The following PCNX4 variants were observed in gnomAD, a reference collection of about 807,000 sequenced individuals.
PCNX4 encodes the protein pecanex-like protein 4.
A neutral mutation model predicts 107.2 loss-of-function variants in PCNX4; 103 were observed. The ratio of observed to expected loss-of-function variants is 0.96; its 90% confidence interval spans 0.82 to 1.13. The LOEUF is 1.13. PCNX4 is among the 50% of genes most tolerant of loss of function. PCNX4 has a pLI of 0.00. For missense variants in PCNX4, 1,528 were observed against 1,379.4 expected, an observed-to-expected ratio of 1.11 and a Z score of -1.71; for synonymous variants, 541 against 481.7, an observed-to-expected ratio of 1.12 and a Z score of -1.61.
chr14:60,112,690 T>G (rs971027076), intron 2 of PCNX4, among the ~76,000 whole-genome samples: 3 of 152,142 alleles, frequency 2.0e-5, no homozygotes, highest in Non-Finnish European at 4.4e-5. Flanking sequence ...AGGAGTGTTG[T>G]CTTGGGGGAA....
Position 60,146,007 on chromosome 14 carries a change from AAG to A in PCNX4, c.*11788_*11789del, listed in dbSNP as rs1184917074. The A allele has an allele frequency of 3.3e-5, 5 of 149,776 alleles. No individual in the cohort carries two copies. Among genetic ancestry groups the A allele is most frequent in the Non-Finnish European group, 7.4e-5 (5 of 67,514 alleles). The allele number at this position is 149,776 out of a possible 1,614,324, so 9.3% of individuals were successfully genotyped here. On this transcript the variant is annotated 3_prime_UTR_variant, in exon 11 of 11. Coordinates refer to ENST00000406854, the MANE Select transcript of PCNX4 (RefSeq NM_001330177.2). The surrounding 1 kb of genome is among the most constrained non-coding windows in gnomAD (Gnocchi z 4.9). Reference sequence around the variant, plus strand: ...TTTCTTAACTTAGACGCTTATCAATAAGAAAATTTATATATATACATATATAT... The same window carrying A: ...TTTCTTAACTTAGACGCTTATCAATAAAAATTTATATATATACATATATAT...
chr14:60,125,533 T>C (rs745965781), intron 9 of PCNX4, 104 bp from the exon 10 acceptor site: 232 of 857,332 alleles, frequency 2.7e-4, no homozygotes, highest in Admixed American at 6.3e-4. Flanking sequence ...GAAATAGATA[T>C]GATTTCAGTT....
chr14:60,128,164 G>GA (rs76056976), intron 10 of PCNX4, among the ~76,000 whole-genome samples: 2 of 151,760 alleles, frequency 1.3e-5, no homozygotes, highest in South Asian at 2.1e-4. Flanking sequence ...AGAGAAGGGA[G>GA]AAAAAAAATT....
At chr14:60,108,420 A>C (rs1895673197) in intron 2 of PCNX4, 93 bp downstream of exon 2, 1 of 951,006 alleles carries the variant, frequency 1.1e-6, no homozygotes, top group Non-Finnish European at 1.6e-6. Flanking sequence ...AAATGAATCC[A>C]TGGATTAAAA....
At chr14:60,116,891 C>G (rs1472769715) in intron 6 of PCNX4, among the ~76,000 whole-genome samples, 1 of 151,820 alleles carries the variant, frequency 6.6e-6, no homozygotes, top group Non-Finnish European at 1.5e-5. Flanking sequence ...TAGACTGATA[C>G]GTGTTTTTGT....
At chr14:60,112,796 T>A (rs1022090881) in intron 2 of PCNX4, among the ~76,000 whole-genome samples, 1 of 152,212 alleles carries the variant, frequency 6.6e-6, no homozygotes, top group Non-Finnish European at 1.5e-5. Flanking sequence ...ACTTGAATGG[T>A]TTCTACTCAG....
Position 60,140,648 on chromosome 14 carries a change from A to G in PCNX4, c.*6427A>G, listed in dbSNP as rs1288073855. On this transcript the variant is annotated 3_prime_UTR_variant, in exon 11 of 11. Coordinates refer to ENST00000406854, the MANE Select transcript of PCNX4 (RefSeq NM_001330177.2). This position sits in a 1 kb window ranked among gnomAD's most constrained non-coding sequence, Gnocchi z 4.2. Reference sequence around the variant, plus strand: ...TACACACACAGAATAATCACAATCAAGTTGGGTTTCTTCCTGAAAAAGTGA... The same window carrying G: ...TACACACACAGAATAATCACAATCAGGTTGGGTTTCTTCCTGAAAAAGTGA... The G allele has an allele frequency of 6.6e-6, 1 of 152,044 alleles. No individual in the cohort carries two copies. Among genetic ancestry groups the G allele is most frequent in the Non-Finnish European group, 1.5e-5 (1 of 67,974 alleles). 9.4% of individuals were successfully genotyped at this position (152,044 alleles called of 1,614,324 possible).
chr14:60,141,704 C>A lies in PCNX4; in HGVS notation c.*7483C>A, dbSNP rs1321628004. 1 of 152,216 alleles carries A rather than the reference C, an allele frequency of 6.6e-6. No individual in the cohort carries two copies. Among genetic ancestry groups the A allele is most frequent in the Non-Finnish European group, 1.5e-5 (1 of 68,036 alleles). 9.4% of individuals were successfully genotyped at this position (152,216 alleles called of 1,614,324 possible). A position where few individuals can be genotyped will look rare whatever the true frequency, so the allele number is the denominator to read the frequency against. Reference sequence around the variant, plus strand: ...CTTCCATGTTGTTTTATGTATCAATCATTCATTATTTTTTATCGCTGAGTA... The same window carrying A: ...CTTCCATGTTGTTTTATGTATCAATAATTCATTATTTTTTATCGCTGAGTA... On this transcript the variant is annotated 3_prime_UTR_variant, in exon 11 of 11. Transcript: ENST00000406854.
chr14:60,112,469 C>A (rs1895757488), intron 2 of PCNX4, among the ~76,000 whole-genome samples: 1 of 152,064 alleles, frequency 6.6e-6, no homozygotes, highest in Non-Finnish European at 1.5e-5. Flanking sequence ...GAATTAACCA[C>A]AATAATGATC....
At chr14:60,092,663 G>A (rs10143125) in intron 1 of PCNX4, among the ~76,000 whole-genome samples, 2 of 152,178 alleles carry the variant, frequency 1.3e-5, no homozygotes, top group African/African-American at 4.8e-5. Flanking sequence ...GTAGCATTTT[G>A]TTTCTAAGAG....
At chr14:60,120,253 T>C (rs903707509) in intron 7 of PCNX4, among the ~76,000 whole-genome samples, 3 of 152,194 alleles carry the variant, frequency 2.0e-5, no homozygotes, top group Non-Finnish European at 4.4e-5. Context: ...TGATGTGTGA[T>C]ATGTTGACTG....
chr14:60,115,227 C>G lies in PCNX4; in HGVS notation c.1123C>G (p.His375Asp). Residue 375 changes from histidine to aspartate, a missense_variant, in exon 4 of 11, where the codon CAC becomes GAC. By Grantham distance (81) the His-to-Asp change is moderately conservative. Transcript: ENST00000406854. ...TCTTTTAGAAACTAGCTTGCTTCAT[C>G]ACTTTGCTGGCTTCTCACAGATTTC... Reference protein sequence around the residue: ...LALLETSLLHHFAGFSQISKS... With the variant: ...LALLETSLLHDFAGFSQISKS... 6.2e-7 allele frequency: 1 copy of G among 1,613,318 alleles called. No individual in the cohort carries two copies. The highest frequency in any genetic ancestry group is 8.5e-7 in the Non-Finnish European group (1 of 1,179,336).
chr14:60,095,607 C>T (rs1895409047), intron 1 of PCNX4, among the ~76,000 whole-genome samples: 1 of 152,070 alleles, frequency 6.6e-6, no homozygotes, highest in South Asian at 2.1e-4. Context: ...TCACATTTCC[C>T]TTCTTTTTTC....
intron 1 of PCNX4, among the ~76,000 whole-genome samples, chr14:60,092,813 C>G (rs1408806481): frequency 2.0e-5 from 3 of 152,168 alleles, no homozygotes; most frequent in African/African-American, 7.2e-5. Flanking sequence ...GCGCTCCTTC[C>G]CCACTGATCT....
In PCNX4 at chr14:60,107,759, T is replaced by C. The variant is rs779302979; in HGVS notation, c.121T>C (p.Tyr41His). 2 of 1,612,702 alleles carry C rather than the reference T, an allele frequency of 1.2e-6. No individual in the cohort carries two copies. Among genetic ancestry groups the C allele is most frequent in the East Asian group, 4.5e-5 (2 of 44,874 alleles). ...AGGCTATTGTGCCCCTCCTTACATA[T>C]ATGTTAATCAAATTATTCTTTTTCT... ...KLGYCAPPYI[Y>H]VNQIILFLMP... Residue 41 changes from tyrosine to histidine, a missense_variant, in exon 2 of 11, where the codon TAT becomes CAT. Transcript: ENST00000406854.
chr14:60,144,813 ATTTT>A lies in PCNX4; in HGVS notation c.*10595_*10598del, dbSNP rs767069895. The A allele has an allele frequency of 3.0e-6, 2 of 669,104 alleles. No individual in the cohort carries two copies. Among genetic ancestry groups the A allele is most frequent in the Non-Finnish European group, 5.2e-6 (2 of 383,270 alleles). 41.4% of individuals were successfully genotyped at this position (669,104 alleles called of 1,614,324 possible). The stretch of plus-strand genomic sequence containing the variant: ...GATTCATGGCAATCTTTTATTATTT[ATTTT>A]TTATTTCATTCCATGTTGGAAGCAA... On this transcript the variant is annotated 3_prime_UTR_variant, in exon 11 of 11. Coordinates refer to ENST00000406854, the MANE Select transcript of PCNX4 (RefSeq NM_001330177.2).
chr14:60,097,230 A>G (rs887746486), intron 1 of PCNX4, among the ~76,000 whole-genome samples: 1 of 152,106 alleles, frequency 6.6e-6, no homozygotes, highest in African/African-American at 2.4e-5. Flanking sequence ...GGAATCCTTC[A>G]CCCCATGTCT....
chr14:60,134,168 C>A lies in PCNX4; in HGVS notation c.3466C>A (p.Pro1156Thr). 2 of 1,613,712 alleles carry A rather than the reference C, an allele frequency of 1.2e-6. No homozygotes were observed. The highest frequency in any genetic ancestry group is 3.3e-5 in the Admixed American group (2 of 60,028). Reference sequence around the variant, plus strand: ...TCTTACGGTACAAGCAGCAGAACCTCCCCTGGGATATCCGATTTATTCTTC... The same window carrying A: ...TCTTACGGTACAAGCAGCAGAACCTACCCTGGGATATCCGATTTATTCTTC... The part of the protein sequence containing the change: ...RNLTVQAAEP[P>T]LGYPIYSSKP... Residue 1156 changes from proline to threonine, a missense_variant, in exon 11 of 11, where the codon CCC becomes ACC. Coordinates refer to ENST00000406854, the MANE Select transcript of PCNX4 (RefSeq NM_001330177.2).
chr14:60,127,492 C>T (rs1896077249), intron 10 of PCNX4, among the ~76,000 whole-genome samples: 1 of 152,190 alleles, frequency 6.6e-6, no homozygotes, highest in Non-Finnish European at 1.5e-5. Context: ...TAGCTGTGTG[C>T]ATTCACAGTT....
Sources: gnomAD v4.1 joint callset for allele counts (sites outside exome capture counted in the v4.1 genomes callset) on GRCh38, gnomAD v4.1.1 for gene constraint, Gnocchi (gnomAD v3.1) non-coding constraint, MANE v1.5 for transcripts, NCBI Gene and HGNC (gene_info 2026-07-23, HGNC 2026-07-21) for gene names.